DLGAP1: variants seen among roughly 807,000 people sequenced by gnomAD.
DLGAP1 encodes the protein DLG associated protein 1, also known as disks large-associated protein 1.
Under a neutral mutation model 90.8 loss-of-function variants are expected in DLGAP1, and 11 were observed. That is an observed-to-expected ratio of 0.12 (90% CI 0.08 to 0.20). The LOEUF (loss-of-function observed/expected upper bound fraction) is 0.20. Among genes scored for constraint, DLGAP1 ranks in the 10% least tolerant of loss-of-function variants. DLGAP1 has a pLI of 1.00. For missense variants in DLGAP1, 1,050 were observed against 1,333.8 expected (o/e 0.79, Z 3.31); for synonymous variants, 558 against 540.7 (o/e 1.03, Z -0.44).
chr18:3,839,151 T>G (rs183325296), intron 4 of DLGAP1, among the ~76,000 whole-genome samples: 1 of 152,336 alleles, frequency 6.6e-6, no homozygotes, highest in Non-Finnish European at 1.5e-5. Context: ...ATTCATGAAC[T>G]TCATTATTCT....
At chr18:4,260,891 TG>T (rs1294987600) in intron 1 of DLGAP1, among the ~76,000 whole-genome samples, 2 of 152,248 alleles carry the variant, frequency 1.3e-5, no homozygotes, top group Admixed American at 1.3e-4. Context: ...TGGAAAATCT[TG>T]GCTACAAAGT....
At chr18:4,057,650 T>C (rs768806363) in intron 2 of DLGAP1, among the ~76,000 whole-genome samples, 1 of 152,236 alleles carries the variant, frequency 6.6e-6, no homozygotes, top group Non-Finnish European at 1.5e-5. Flanking sequence ...CTTTCATTCC[T>C]GCTCTAAAAT....
chr18:4,427,204 A>G (rs2083177196), intron 1 of DLGAP1, among the ~76,000 whole-genome samples: 1 of 152,190 alleles, frequency 6.6e-6, no homozygotes, highest in African/African-American at 2.4e-5. Context: ...TGTGGTAGTG[A>G]TATCATATTG....
chr18:4,209,232 T>C (rs2077789309), intron 1 of DLGAP1, among the ~76,000 whole-genome samples: 1 of 152,118 alleles, frequency 6.6e-6, no homozygotes, highest in Non-Finnish European at 1.5e-5. Context: ...GCGGTGGTGA[T>C]TCTCCACCAG....
At chr18:3,863,048 T>C (rs2070178953) in intron 4 of DLGAP1, among the ~76,000 whole-genome samples, 1 of 152,240 alleles carries the variant, frequency 6.6e-6, no homozygotes, top group African/African-American at 2.4e-5. Context: ...TGCTGTCCAA[T>C]ACAACTTTCT....
At chr18:3,975,393 A>G (rs916197532) in intron 3 of DLGAP1, among the ~76,000 whole-genome samples, 13 of 152,132 alleles carry the variant, frequency 8.5e-5, no homozygotes, top group African/African-American at 3.1e-4. Flanking sequence ...AATCAAAACC[A>G]CAGTGAGATA....
At chr18:3,584,224 C>T (rs944658034) in intron 7 of DLGAP1, among the ~76,000 whole-genome samples, 2 of 152,172 alleles carry the variant, frequency 1.3e-5, no homozygotes, top group African/African-American at 4.8e-5. Context: ...ATTATAAATT[C>T]ATTCAAATAA....
chr18:4,093,357 T>C (rs1049887023), intron 2 of DLGAP1, among the ~76,000 whole-genome samples: 1 of 152,216 alleles, frequency 6.6e-6, no homozygotes, highest in African/African-American at 2.4e-5. Flanking sequence ...TTTCTTAATG[T>C]TCTTTATCTG....
chr18:3,988,003 T>G (rs1227840231), intron 3 of DLGAP1, among the ~76,000 whole-genome samples: 1 of 152,114 alleles, frequency 6.6e-6, no homozygotes, highest in Non-Finnish European at 1.5e-5. Flanking sequence ...ATTGTGCACT[T>G]TATTTCTATT....
At chr18:4,096,132 T>A (rs1358264586) in intron 2 of DLGAP1, among the ~76,000 whole-genome samples, 1 of 152,166 alleles carries the variant, frequency 6.6e-6, no homozygotes, top group East Asian at 1.9e-4. Flanking sequence ...TTCAAGTGAT[T>A]CTCCTGCTTC....
At chr18:3,956,693 C>T (rs1382299315) in intron 3 of DLGAP1, among the ~76,000 whole-genome samples, 1 of 152,078 alleles carries the variant, frequency 6.6e-6, no homozygotes, top group Non-Finnish European at 1.5e-5. Flanking sequence ...GTCACCCAGG[C>T]TGGATGGAGT....
intron 6 of DLGAP1, among the ~76,000 whole-genome samples, chr18:3,732,288 G>A (rs1163416368): frequency 1.3e-5 from 2 of 152,194 alleles, no homozygotes; most frequent in Non-Finnish European, 2.9e-5. Context: ...TATTTCATCA[G>A]GAGGCACATT....
At chr18:3,683,644 C>T (rs367637438) in intron 7 of DLGAP1, among the ~76,000 whole-genome samples, 3 of 152,190 alleles carry the variant, frequency 2.0e-5, no homozygotes, top group East Asian at 1.9e-4. Flanking sequence ...AGTAATGAGG[C>T]TCAGACAAAG....
intron 10 of DLGAP1, among the ~76,000 whole-genome samples, chr18:3,510,269 G>A (rs1466024404): frequency 6.6e-6 from 1 of 152,232 alleles, no homozygotes; most frequent in Non-Finnish European, 1.5e-5. Flanking sequence ...CCTATCTGGA[G>A]GGTTGTTGGG....
intron 5 of DLGAP1, among the ~76,000 whole-genome samples, chr18:3,746,793 T>G (rs900843566): frequency 6.6e-6 from 1 of 152,256 alleles, no homozygotes; most frequent in Non-Finnish European, 1.5e-5. Context: ...ATTACATTCA[T>G]GTACATCCAT....
chr18:4,077,550 G>A (rs962130602), intron 2 of DLGAP1, among the ~76,000 whole-genome samples: 3 of 152,012 alleles, frequency 2.0e-5, no homozygotes, highest in African/African-American at 4.8e-5. Context: ...TCCTATAAGA[G>A]TTGATTGTTA....
chr18:4,119,223 C>T (rs556021438), intron 2 of DLGAP1, among the ~76,000 whole-genome samples: 1 of 152,282 alleles, frequency 6.6e-6, no homozygotes, highest in South Asian at 2.1e-4. Context: ...TCCCCTGCAG[C>T]TGGGACTATA....
chr18:3,858,453 A>G (rs58780623), intron 4 of DLGAP1, among the ~76,000 whole-genome samples: 16,495 of 140,862 alleles, frequency 0.12, 1,001 homozygotes, highest in Middle Eastern at 0.13. Flanking sequence ...ATTAAAAATT[A>G]TATCATATAC....
At chr18:3,805,498 G>A (rs1010889024) in intron 5 of DLGAP1, among the ~76,000 whole-genome samples, 22 of 152,314 alleles carry the variant, frequency 1.4e-4, no homozygotes, top group African/African-American at 5.1e-4. Context: ...AGTAAAGCTG[G>A]AAGAGGTAAG....
Sources: allele counts gnomAD v4.1 joint callset (sites outside exome capture counted in the v4.1 genomes callset), GRCh38; gene constraint gnomAD v4.1.1; transcripts MANE v1.5; gene names NCBI Gene and HGNC (gene_info 2026-07-23, HGNC 2026-07-21).